The following ASH1L variants were observed in gnomAD, a reference collection of about 807,000 sequenced individuals.
ASH1L encodes the protein ASH1 like histone lysine methyltransferase.
ASH1L carries 23 observed loss-of-function variants against 269.0 expected under a neutral mutation model. The observed-to-expected ratio is 0.09, with a 90% CI of 0.06 to 0.12. The LOEUF (loss-of-function observed/expected upper bound fraction) is 0.12, where lower values mean the gene tolerates loss of function less well. ASH1L is among the 10% of genes least tolerant of loss of function. The probability of loss-of-function intolerance (pLI) is 1.00; values close to 1 mark genes in which losing one functional copy is unlikely to be tolerated. For missense variants in ASH1L, 2,912 were observed against 3,567.8 expected (o/e 0.82, Z 4.68); for synonymous variants, 1,187 against 1,253.5 (o/e 0.95, Z 1.12).
chr1:155,422,951 CTT>C (rs71080703), intron 5 of ASH1L, among the ~76,000 whole-genome samples: 3 of 122,256 alleles, frequency 2.5e-5, no homozygotes, highest in Non-Finnish European at 3.5e-5. Flanking sequence ...GCTGGCCTTT[CTT>C]TTTTTTTTTT....
chr1:155,367,222 G>A lies in ASH1L; in HGVS notation c.6686+3282C>T, dbSNP rs1385227077. 5.3e-5 allele frequency among the ~76,000 whole-genome samples: 8 copies of A among 152,158 alleles called. No homozygotes were observed. In the South Asian group the frequency reaches 1.2e-3, roughly 24 times the overall value. ...TTGGTCAGACTGGTCTCAAACTCCT[G>A]ACCTCATGATCCGCTCGCCTTGGCC... On this transcript the variant is annotated intron_variant, in intron 12 of 27. Transcript: ENST00000392403.
chr1:155,439,505 C>T (rs919928376), intron 4 of ASH1L, among the ~76,000 whole-genome samples: 6 of 151,906 alleles, frequency 3.9e-5, no homozygotes, highest in Non-Finnish European at 8.8e-5. Flanking sequence ...CGAGATCAAC[C>T]TAAGGAACAT....
In ASH1L at chr1:155,439,014, A is replaced by G; in HGVS notation, c.5141T>C (p.Val1714Ala). 1.2e-6 allele frequency: 2 copies of G among 1,614,064 alleles called. No homozygotes were observed. Among genetic ancestry groups the G allele is most frequent in the Non-Finnish European group, 1.7e-6 (2 of 1,179,984 alleles). The change falls in exon 5 of 28, where the codon GTG (valine) becomes GCG (alanine). Residue 1714 changes from valine to alanine, a missense_variant. Around this residue, in one of 13 missense-constraint regions of ASH1L, gnomAD observed 789 missense variants for 897.6 expected, o/e 0.88. Coordinates refer to ENST00000392403, the MANE Select transcript of ASH1L (RefSeq NM_018489.3). ...TACCATCCGCTGCAGCAGACTATCCACAGAGTCATCCCCAGAAGCAACTAA... is the reference window on the plus strand; with the variant it reads ...TACCATCCGCTGCAGCAGACTATCCGCAGAGTCATCCCCAGAAGCAACTAA... ...PRLVASGDDS[V>A]DSLLQRMVQN...
intron 2 of ASH1L, among the ~76,000 whole-genome samples, chr1:155,488,234 G>C (rs185263985): frequency 6.6e-6 from 1 of 152,138 alleles, no homozygotes. Context: ...ATTAAAAGCA[G>C]TTTAAAACAG....
At chr1:155,523,955 T>G (rs1350849264) in intron 1 of ASH1L, among the ~76,000 whole-genome samples, 1 of 152,220 alleles carries the variant, frequency 6.6e-6, no homozygotes, top group Non-Finnish European at 1.5e-5. Flanking sequence ...ACTCCTTAGC[T>G]TGTTATTGCT....
chr1:155,343,222 C>A lies in ASH1L; in HGVS notation c.8293+92G>T. 1 of 1,424,374 alleles carries A rather than the reference C, an allele frequency of 7.0e-7. No homozygotes were observed. Among genetic ancestry groups the A allele is most frequent in the Non-Finnish European group, 9.6e-7 (1 of 1,045,942 alleles). The allele number at this position is 1,424,374 out of a possible 1,614,324, so 88.2% of individuals were successfully genotyped here. A position where few individuals can be genotyped will look rare whatever the true frequency, so the allele number is the denominator to read the frequency against. ...TCTCACACTCCTGGGCTTAAGCAAT[C>A]TGCCTGCCTCGGCCTCCCACACCGC... On this transcript the variant is annotated intron_variant, in intron 24 of 27. Coordinates refer to ENST00000392403, the MANE Select transcript of ASH1L (RefSeq NM_018489.3). This position sits in a 1 kb window ranked among gnomAD's most constrained non-coding sequence, Gnocchi z 6.1.
intron 2 of ASH1L, among the ~76,000 whole-genome samples, chr1:155,503,842 A>G (rs1019170941): frequency 3.3e-5 from 5 of 152,166 alleles, no homozygotes; most frequent in African/African-American, 1.2e-4. Context: ...CTCCTGCCTC[A>G]GCATCCTGAG....
chr1:155,488,538 G>C (rs1268244493), intron 2 of ASH1L, among the ~76,000 whole-genome samples: 2 of 146,814 alleles, frequency 1.4e-5, no homozygotes, highest in Non-Finnish European at 3.0e-5. Context: ...GCAGGGTGGC[G>C]CATGCCTGTG....
chr1:155,357,969 C>T (rs1654563160), intron 13 of ASH1L, among the ~76,000 whole-genome samples: 1 of 151,924 alleles, frequency 6.6e-6, no homozygotes, highest in Admixed American at 6.6e-5. Flanking sequence ...CAGGGTTTCG[C>T]CATGTTGACC....
At chr1:155,401,752 C>T (rs1395871329) in intron 6 of ASH1L, among the ~76,000 whole-genome samples, 1 of 151,476 alleles carries the variant, frequency 6.6e-6, no homozygotes, top group East Asian at 1.9e-4. Context: ...CGTGCTATTG[C>T]ACACCAGCCT....
intron 6 of ASH1L, among the ~76,000 whole-genome samples, chr1:155,405,764 A>G (rs1317393223): frequency 2.7e-5 from 4 of 146,648 alleles, no homozygotes; most frequent in African/African-American, 1.0e-4. Context: ...TGGGAGGTGG[A>G]GGTTGCAGTG....
chr1:155,417,489 A>G (rs776513044), intron 5 of ASH1L, among the ~76,000 whole-genome samples: 1 of 151,814 alleles, frequency 6.6e-6, no homozygotes, highest in Non-Finnish European at 1.5e-5. Flanking sequence ...ATGGCTGAAC[A>G]AGGAACTACC....
chr1:155,432,467 C>T (rs1011787057), intron 5 of ASH1L, among the ~76,000 whole-genome samples: 2 of 152,124 alleles, frequency 1.3e-5, no homozygotes, highest in African/African-American at 4.8e-5. Flanking sequence ...AATCTTCCAA[C>T]AAATACTAAT....
At chr1:155,436,194 A>G (rs1036469104) in intron 5 of ASH1L, among the ~76,000 whole-genome samples, 2 of 151,890 alleles carry the variant, frequency 1.3e-5, no homozygotes, top group Non-Finnish European at 2.9e-5. Flanking sequence ...TTATTTATTT[A>G]TTTATTTATT....
intron 1 of ASH1L, among the ~76,000 whole-genome samples, chr1:155,554,573 G>A (rs1377193044): frequency 6.6e-6 from 1 of 151,932 alleles, no homozygotes; most frequent in Admixed American, 6.6e-5. Flanking sequence ...TGCCCAGCCT[G>A]AATTTTTTAT....
chr1:155,534,488 T>C (rs1258335953), intron 1 of ASH1L, among the ~76,000 whole-genome samples: 1 of 151,748 alleles, frequency 6.6e-6, no homozygotes, highest in Non-Finnish European at 1.5e-5. Context: ...GGTGGTACCA[T>C]TTGGAGACTC....
At chr1:155,508,646 T>C (rs1571016282) in intron 2 of ASH1L, among the ~76,000 whole-genome samples, 1 of 152,206 alleles carries the variant, frequency 6.6e-6, no homozygotes, top group East Asian at 1.9e-4. Flanking sequence ...GTCTCAAAAG[T>C]AAAAATAAAA....
intron 5 of ASH1L, among the ~76,000 whole-genome samples, chr1:155,429,962 C>T (rs1037367798): frequency 2.0e-5 from 3 of 151,720 alleles, no homozygotes; most frequent in Admixed American, 6.6e-5. Context: ...CACATCAGCA[C>T]GTCCAGCTGA....
chr1:155,544,897 G>A (rs1670681726), intron 1 of ASH1L, among the ~76,000 whole-genome samples: 1 of 151,802 alleles, frequency 6.6e-6, no homozygotes, highest in African/African-American at 2.4e-5. Flanking sequence ...TATTGGCCGG[G>A]CGCAGTGGCC....
Sources: gnomAD v4.1 joint callset for allele counts (sites outside exome capture counted in the v4.1 genomes callset) on GRCh38, gnomAD v4.1.1 for gene constraint, gnomAD v4.1.1 regional missense constraint, Gnocchi (gnomAD v3.1) non-coding constraint, MANE v1.5 for transcripts, NCBI Gene and HGNC (gene_info 2026-07-23, HGNC 2026-07-21) for gene names.